The following CC2D2B variants were observed in gnomAD, a reference collection of about 807,000 sequenced individuals.
CC2D2B encodes protein CC2D2B.
A neutral mutation model predicts 161.2 loss-of-function variants in CC2D2B; 128 were observed. The observed-to-expected ratio is 0.79, with a 90% confidence interval of 0.69 to 0.92. The LOEUF is 0.92. Among genes scored for constraint, CC2D2B ranks in the 40% least tolerant of loss-of-function variants. CC2D2B has a pLI of 0.00. For synonymous variants in CC2D2B, 391 were observed against 449.8 expected, an observed-to-expected ratio of 0.87 and a Z score of 1.65; for missense variants, 1,173 against 1,375.1, an observed-to-expected ratio of 0.85 and a Z score of 2.32.
rs182191893 is a variant in CC2D2B, at chr10:95,971,197, C to T, written c.1645-869C>T. 2.6e-3 allele frequency among the ~76,000 whole-genome samples: 394 copies of T among 151,820 alleles called. 2 individuals carry two copies. Among genetic ancestry groups the T allele is most frequent in the Non-Finnish European group, 3.8e-3 (259 of 67,922 alleles). ...TGAGGTCAGGAGTTCGAGTTCAGCC[C>T]GGCCAAAATGATGAAATCCCGTCTC... is the stretch of plus-strand genomic sequence containing the variant. On this transcript the variant is annotated intron_variant, in intron 15 of 34. Transcript: ENST00000646931.
At chr10:95,920,884 C>T (rs2098525766) in intron 2 of CC2D2B, 1 of 152,356 alleles carries the variant, frequency 6.6e-6, no homozygotes, top group Non-Finnish European at 1.5e-5. Flanking sequence ...CTGCTTGGTG[C>T]TTTTACTGTG....
intron 9 of CC2D2B, among the ~76,000 whole-genome samples, chr10:95,944,440 G>A (rs1248270419): frequency 1.3e-5 from 2 of 152,088 alleles, no homozygotes; most frequent in Non-Finnish European, 1.5e-5. Context: ...GAAAAGCCCT[G>A]CTATTTATCT....
intron 24 of CC2D2B, among the ~76,000 whole-genome samples, chr10:96,003,908 A>C (rs2078635982): frequency 6.6e-6 from 1 of 152,200 alleles, no homozygotes; most frequent in African/African-American, 2.4e-5. Flanking sequence ...CTGTAGTGAA[A>C]GCCTTTCTGT....
intron 7 of CC2D2B, 120 bp from the exon 8 acceptor site, chr10:95,938,449 A>G: frequency 1.7e-6 from 1 of 602,566 alleles, no homozygotes; most frequent in Non-Finnish European, 3.0e-6. Context: ...AGTGAGAGAG[A>G]GGCTTTCTGC....
At chr10:95,947,113 A>ATATATATATTTT (rs1289243570) in intron 9 of CC2D2B, among the ~76,000 whole-genome samples, 1 of 48,376 alleles carries the variant, frequency 2.1e-5, no homozygotes, top group African/African-American at 9.4e-5. Flanking sequence ...ATATATATAT[A>ATATATATATTTT]TTTTTTTTTT....
rs935860221 is a variant in CC2D2B, at chr10:95,983,677, C to T, written c.2154C>T (p.Phe718=). The part of the protein sequence containing the change: ...RLEQLQDEFN[F]VSEEEMAKSK... The stretch of plus-strand genomic sequence containing the variant: ...AACAGTTGCAAGATGAATTTAACTT[C>T]GTTTCTGAAGAGGAAATGGCAAAGA... The change falls in exon 19 of 35, where the codon TTC becomes TTT. Residue 718 remains phenylalanine, a synonymous_variant. Coordinates refer to ENST00000646931, the MANE Select transcript of CC2D2B (RefSeq NM_001349008.3). The T allele has an allele frequency of 7.4e-5, 91 of 1,231,368 alleles. No homozygotes were observed. The highest frequency in any genetic ancestry group is 3.1e-4 in the Middle Eastern group (1 of 3,226). 76.3% of individuals were successfully genotyped at this position (1,231,368 alleles called of 1,614,324 possible). A position where few individuals can be genotyped will look rare whatever the true frequency, so the allele number is the denominator to read the frequency against.
chr10:95,949,790 CTTGATTTT>C (rs1564611605), intron 9 of CC2D2B, 98 bp from the exon 10 acceptor site: 5 of 396,244 alleles, frequency 1.3e-5, no homozygotes, highest in Non-Finnish European at 2.2e-5. Context: ...TTCTATATCT[CTTGATTTT>C]CCTACAATTG....
chr10:96,001,391 C>T (rs761854931), intron 24 of CC2D2B, among the ~76,000 whole-genome samples: 6 of 151,994 alleles, frequency 3.9e-5, no homozygotes, highest in African/African-American at 9.7e-5. Flanking sequence ...TAATTTCCTA[C>T]GAATATTTTA....
chr10:96,015,231 A>ATTTTTTT lies in CC2D2B; in HGVS notation c.3517-956_3517-950dup, dbSNP rs58739011. Among the ~76,000 whole-genome samples the ATTTTTTT allele has an allele frequency of 2.5e-3, 277 of 111,260 alleles. 4 individuals carry two copies. The highest frequency in any genetic ancestry group is 6.4e-3 in the Middle Eastern group (1 of 156). 73.0% of individuals were successfully genotyped at this position (111,260 alleles called of 152,430 possible). ...AGGCACGCACCACCAGGCCCAGCTA[A>ATTTTTTT]TTTTTTTTTTTTTTTTTTTTGTATT... On this transcript the variant is annotated intron_variant, in intron 29 of 34. Transcript: ENST00000646931.
chr10:95,950,349 A>G lies in CC2D2B; in HGVS notation c.1011+244A>G, dbSNP rs910408624. ...ATGGTATTCTTGGTCCTATAACTCAAGAAGAGTATTTGAAATGATTATTAA... is the reference window on the plus strand; with the variant it reads ...ATGGTATTCTTGGTCCTATAACTCAGGAAGAGTATTTGAAATGATTATTAA... On this transcript the variant is annotated intron_variant, in intron 10 of 34. Transcript: ENST00000646931. The G allele has an allele frequency of 5.4e-5, 16 of 298,364 alleles. No individual in the cohort carries two copies. In the South Asian group the frequency reaches 1.5e-3, roughly 27 times the overall value. The allele number at this position is 298,364 out of a possible 1,614,324, so 18.5% of individuals were successfully genotyped here.
intron 6 of CC2D2B, among the ~76,000 whole-genome samples, chr10:95,934,237 G>A (rs2075725334): frequency 6.6e-6 from 1 of 152,124 alleles, no homozygotes; most frequent in Non-Finnish European, 1.5e-5. Flanking sequence ...TCCCCACCAA[G>A]CTTGAGCGTC....
chr10:95,924,237 A>G (rs2098533972), intron 3 of CC2D2B, 77 bp from the exon 4 acceptor site: 1 of 719,478 alleles, frequency 1.4e-6, no homozygotes, highest in African/African-American at 1.9e-5. Context: ...AAAGAATTTA[A>G]TAAATACTTT....
intron 2 of CC2D2B, chr10:95,913,327 CATAT>C: frequency 1.1e-5 from 3 of 271,626 alleles, no homozygotes; most frequent in Non-Finnish European, 2.2e-5. Flanking sequence ...TACTCCATTG[CATAT>C]ATATATATAC....
chr10:95,978,915 T>C (rs2077411948), intron 17 of CC2D2B, among the ~76,000 whole-genome samples: 1 of 152,232 alleles, frequency 6.6e-6, no homozygotes, highest in African/African-American at 2.4e-5. Flanking sequence ...TGGCATTTTG[T>C]TCCATTATTT....
intron 9 of CC2D2B, among the ~76,000 whole-genome samples, chr10:95,942,730 A>C (rs1249550083): frequency 6.6e-6 from 1 of 151,802 alleles, no homozygotes; most frequent in African/African-American, 2.4e-5. Context: ...CCACATTTCT[A>C]TTTTTATCTG....
chr10:96,000,429 T>A (rs1377414346), intron 24 of CC2D2B, among the ~76,000 whole-genome samples: 2 of 152,130 alleles, frequency 1.3e-5, no homozygotes, highest in Non-Finnish European at 1.5e-5. Context: ...AGTGGCGCGA[T>A]CTGGGCTCAC....
intron 9 of CC2D2B, among the ~76,000 whole-genome samples, chr10:95,939,770 A>T (rs931969797): frequency 2.7e-4 from 41 of 152,116 alleles, no homozygotes; most frequent in African/African-American, 9.2e-4. Flanking sequence ...TCTGTTGGTT[A>T]TTAGGACAGC....
chr10:95,993,131 G>A (rs1195698050), intron 22 of CC2D2B: 1 of 155,936 alleles, frequency 6.4e-6, no homozygotes, highest in African/African-American at 2.4e-5. Context: ...AATCAGAATT[G>A]CTACAGTTAC....
chr10:95,988,525 A>G (rs896289986), intron 20 of CC2D2B, among the ~76,000 whole-genome samples, 183 bp downstream of exon 20: 1 of 152,162 alleles, frequency 6.6e-6, no homozygotes, highest in African/African-American at 2.4e-5. Flanking sequence ...AGGTTACTTC[A>G]TTGACAGTGA....
Sources: gnomAD v4.1 joint callset for allele counts (sites outside exome capture counted in the v4.1 genomes callset) on GRCh38, gnomAD v4.1.1 for gene constraint, MANE v1.5 for transcripts, NCBI Gene and HGNC (gene_info 2026-07-23, HGNC 2026-07-21) for gene names.